Variants in GABRA6 observed in about 807,000 individuals in gnomAD.
The protein encoded by GABRA6 is gamma-aminobutyric acid receptor subunit alpha-6.
A neutral mutation model predicts 47.3 loss-of-function variants in GABRA6; 45 were observed. The ratio of observed to expected loss-of-function variants is 0.95; its 90% CI spans 0.75 to 1.22. The LOEUF is 1.22. Among genes scored for constraint, GABRA6 ranks in the 50% most tolerant of loss-of-function variants. The pLI is 0.00. For synonymous variants in GABRA6, 219 were observed against 194.7 expected (o/e 1.12, Z -1.04); for missense variants, 583 against 549.3 (o/e 1.06, Z -0.61).
chr5:161,699,296 G>A (rs1405761636), intron 8 of GABRA6, among the ~76,000 whole-genome samples: 1 of 152,194 alleles, frequency 6.6e-6, no homozygotes, highest in African/African-American at 2.4e-5. Flanking sequence ...TTTGCTAGAG[G>A]AAAGTATTTT....
rs909958362 is a variant in GABRA6, at chr5:161,689,111, A to G, written c.388A>G (p.Thr130Ala). ...TAAAAAGTCCATTGCTCACAACATG[A>G]CAACTCCTAATAAACTCTTCAGAAT... The part of the protein sequence containing the change: ...NGKKSIAHNM[T>A]TPNKLFRIMQ... The change falls in exon 4 of 9, where the codon ACA becomes GCA. Residue 130 changes from threonine (T) to alanine (A), a missense_variant. Physicochemically the swap from Thr to Ala is moderately conservative, Grantham distance 58. Transcript: ENST00000274545. The G allele has an allele frequency of 1.8e-5, 29 of 1,614,002 alleles. No individual in the cohort carries two copies. Among genetic ancestry groups the G allele is most frequent in the African/African-American group, 2.7e-5 (2 of 74,928 alleles).
At position 161,691,952 on chromosome 5, in the gene GABRA6, G is replaced by A. The variant is rs1169020089; in HGVS notation, c.838G>A (p.Val280Ile). 9.3e-6 allele frequency: 15 copies of A among 1,613,584 alleles called. No individual in the cohort carries two copies. The highest frequency in any genetic ancestry group is 9.3e-6 in the Non-Finnish European group (11 of 1,179,712). ...PARTVFGITT[V>I]LTMTTLSISA... ...CTTTTTTATTTTAGGGATCACCACT[G>A]TTTTAACTATGACCACTTTGAGCAT... is the stretch of plus-strand genomic sequence containing the variant. Residue 280 changes from valine (V) to isoleucine (I), a missense_variant, in exon 8 of 9, where the codon GTT becomes ATT. Physicochemically the swap from Val to Ile is conservative, Grantham distance 29. Transcript: ENST00000274545.
At chr5:161,687,088 C>T (rs1402919154) in intron 3 of GABRA6, 85 bp downstream of exon 3, 4 of 1,072,762 alleles carry the variant, frequency 3.7e-6, no homozygotes, top group Non-Finnish European at 5.8e-6. Context: ...GCATTGCCGC[C>T]AAGCTTGGCT....
At chr5:161,699,164 A>C (rs1754935032) in intron 8 of GABRA6, among the ~76,000 whole-genome samples, 1 of 152,200 alleles carries the variant, frequency 6.6e-6, no homozygotes, top group Non-Finnish European at 1.5e-5. Flanking sequence ...TTTCTACCTA[A>C]AATAGAAAGA....
At chr5:161,697,590 T>A (rs73797421) in intron 8 of GABRA6, among the ~76,000 whole-genome samples, 144 of 152,216 alleles carry the variant, frequency 9.5e-4, no homozygotes, top group African/African-American at 2.7e-3. Flanking sequence ...CATTGGGCAA[T>A]GTCTGGAGAT....
At chr5:161,687,614 T>G (rs1754724698) in intron 3 of GABRA6, 1 of 443,152 alleles carries the variant, frequency 2.3e-6, no homozygotes, top group Non-Finnish European at 4.5e-6. Flanking sequence ...TGTATCATGG[T>G]ATTCTTTTAC....
At chr5:161,698,703 G>C (rs1754925809) in intron 8 of GABRA6, among the ~76,000 whole-genome samples, 1 of 152,032 alleles carries the variant, frequency 6.6e-6, no homozygotes, top group Admixed American at 6.6e-5. Context: ...TAGCACCTAG[G>C]AGGTGTTTAA....
chr5:161,700,228 G>A (rs11949158), intron 8 of GABRA6, among the ~76,000 whole-genome samples: 30,459 of 152,124 alleles, frequency 0.2, 3,275 homozygotes, highest in South Asian at 0.42. Flanking sequence ...TACTGTTGCC[G>A]CAGTGTTGCT....
At position 161,686,926 on chromosome 5, in the gene GABRA6, C is replaced by A; in HGVS notation, c.158-10C>A. The A allele has an allele frequency of 6.2e-7, 1 of 1,613,280 alleles. No homozygotes were observed. Among genetic ancestry groups the A allele is most frequent in the Non-Finnish European group, 8.5e-7 (1 of 1,179,324 alleles). On this transcript the variant is annotated splice_polypyrimidine_tract_variant and intron_variant, in intron 2 of 8. Coordinates refer to ENST00000274545, the MANE Select transcript of GABRA6 (RefSeq NM_000811.3). ...GTGATAATTGTTTCATCCCTCTGGG[C>A]TAATTTCAGGTGCTGTCACTGAAGT...
chr5:161,696,390 G>A (rs1488381708), intron 8 of GABRA6, among the ~76,000 whole-genome samples: 4 of 146,910 alleles, frequency 2.7e-5, no homozygotes, highest in African/African-American at 7.6e-5. Flanking sequence ...TTGCTCTGTC[G>A]CCCAGGCTGG....
At chr5:161,689,983 A>G (rs1421541503) in intron 6 of GABRA6, 7 of 668,998 alleles carry the variant, frequency 1.0e-5, no homozygotes, top group African/African-American at 1.8e-5. Flanking sequence ...AGTTTTTTTT[A>G]TGTATATGAT....
At position 161,701,990 on chromosome 5, in the gene GABRA6, G is replaced by T. The variant is rs1754991116; in HGVS notation, c.*217G>T. 2 of 566,618 alleles carry T rather than the reference G, an allele frequency of 3.5e-6. No individual in the cohort carries two copies. Among genetic ancestry groups the T allele is most frequent in the Non-Finnish European group, 3.1e-6 (1 of 320,466 alleles). The allele number at this position is 566,618 out of a possible 1,614,324, so 35.1% of individuals were successfully genotyped here. On this transcript the variant is annotated 3_prime_UTR_variant, in exon 9 of 9. Coordinates refer to ENST00000274545, the MANE Select transcript of GABRA6 (RefSeq NM_000811.3). The stretch of plus-strand genomic sequence containing the variant: ...GATTGCTGAAAAATATGACTTTTCT[G>T]TATGTTAGAGAAAAACTTTATGAGG...
intron 4 of GABRA6, 35 bp downstream of exon 4, chr5:161,689,204 A>G: frequency 6.2e-7 from 1 of 1,611,674 alleles, no homozygotes; most frequent in Non-Finnish European, 8.5e-7. Context: ...CCCTGCCTAA[A>G]TGATATGTCC....
At chr5:161,689,907 T>G in intron 6 of GABRA6, 128 bp downstream of exon 6, 1 of 969,084 alleles carries the variant, frequency 1.0e-6, no homozygotes, top group Non-Finnish European at 1.6e-6. Context: ...CAGTGATGAG[T>G]AGCTTTCCTT....
At position 161,701,653 on chromosome 5, in the gene GABRA6, C is replaced by G. The variant is rs779470229; in HGVS notation, c.1242C>G (p.Thr414=). The G allele has an allele frequency of 6.2e-7, 1 of 1,614,160 alleles. No individual in the cohort carries two copies. Residue 414 remains threonine, a synonymous_variant, in exon 9 of 9, where the codon ACC becomes ACG. Transcript: ENST00000274545. The stretch of plus-strand genomic sequence containing the variant: ...CACTCTCGCCAGCCTTTGGAGGCAC[C>G]AGTAAAATAGACCAGTATTCTCGAA... ...PPPLSPAFGG[T]SKIDQYSRIL...
At chr5:161,687,202 A>T in intron 3 of GABRA6, 199 bp downstream of exon 3, 1 of 619,722 alleles carries the variant, frequency 1.6e-6, no homozygotes, top group Non-Finnish European at 2.9e-6. Context: ...GAACATTTTA[A>T]GCTGAGGGAC....
At chr5:161,701,395 A>G (rs1754977833) in intron 8 of GABRA6, 103 bp from the exon 9 acceptor site, 2 of 1,256,202 alleles carry the variant, frequency 1.6e-6, no homozygotes, top group African/African-American at 1.5e-5. Flanking sequence ...CATAGAAAGT[A>G]AGTCGTCAAT....
chr5:161,694,756 C>A (rs2113079866), intron 8 of GABRA6, among the ~76,000 whole-genome samples: 1 of 152,022 alleles, frequency 6.6e-6, no homozygotes, highest in South Asian at 2.1e-4. Flanking sequence ...TTCTAAAAGG[C>A]TGAAGTGTAA....
In GABRA6 at chr5:161,689,265, A is replaced by G; in HGVS notation, c.458A>G (p.Asn153Ser). The G allele has an allele frequency of 1.2e-6, 2 of 1,614,100 alleles. No homozygotes were observed. Among genetic ancestry groups the G allele is most frequent in the Non-Finnish European group, 1.7e-6 (2 of 1,179,940 alleles). ...TILYTMRLTI[N>S]ADCPMRLVNF... ...TTCAATGTTTCTAGGCTTACCATCA[A>G]TGCTGACTGTCCCATGAGGCTGGTT... The change falls in exon 5 of 9, where the codon AAT becomes AGT. Residue 153 changes from asparagine (N) to serine (S), a missense_variant. Coordinates refer to ENST00000274545, the MANE Select transcript of GABRA6 (RefSeq NM_000811.3).
Sources: allele counts gnomAD v4.1 joint callset (sites outside exome capture counted in the v4.1 genomes callset), GRCh38; gene constraint gnomAD v4.1.1; transcripts MANE v1.5; gene names NCBI Gene and HGNC (gene_info 2026-07-23, HGNC 2026-07-21).